ARHGEF6: variants seen among roughly 807,000 people sequenced by gnomAD.
ARHGEF6 encodes the protein rho guanine nucleotide exchange factor 6.
In ARHGEF6, 9 loss-of-function variants were observed where a neutral mutation model predicts 70.3. The observed-to-expected ratio is 0.13, with a 90% confidence interval of 0.08 to 0.22. The LOEUF (loss-of-function observed/expected upper bound fraction) is 0.22, where lower values mean the gene tolerates loss of function less well. ARHGEF6 is among the 10% of genes least tolerant of loss of function. ARHGEF6 has a pLI of 1.00. For missense variants in ARHGEF6, 470 were observed against 563.0 expected (o/e 0.83, Z 1.67); for synonymous variants, 201 against 207.8 (o/e 0.97, Z 0.28).
intron 2 of ARHGEF6, among the ~76,000 whole-genome samples, chrX:136,770,926 G>GT (rs2077359198): frequency 8.9e-6 from 1 of 112,444 alleles, no homozygotes; most frequent in Non-Finnish European, 1.9e-5. Flanking sequence ...GAGCCCAGGA[G>GT]TTTGAGACTG....
intron 2 of ARHGEF6, among the ~76,000 whole-genome samples, chrX:136,760,596 GTA>G (rs2148676167): frequency 8.9e-6 from 1 of 112,047 alleles, no homozygotes; most frequent in Non-Finnish European, 1.9e-5. Flanking sequence ...CTTCCTTTTG[GTA>G]TATGTTTGGT....
At chrX:136,751,959 C>T (rs768762219) in intron 2 of ARHGEF6, among the ~76,000 whole-genome samples, 5 of 111,307 alleles carry the variant, frequency 4.5e-5, no homozygotes, top group African/African-American at 1.6e-4. Context: ...AACTAAGACT[C>T]AGAGTAGTTA....
chrX:136,707,387 G>T (rs188643732), intron 8 of ARHGEF6, among the ~76,000 whole-genome samples: 273 of 112,365 alleles, frequency 2.4e-3, no homozygotes, highest in Non-Finnish European at 3.2e-3. Context: ...ATCCAAAAAT[G>T]ACATACCACA....
Position 136,780,813 on chromosome X carries a change from T to C in ARHGEF6, c.70A>G (p.Ile24Val), listed in dbSNP as rs745759139. The C allele has an allele frequency of 2.9e-5, 35 of 1,209,263 alleles. No individual in the cohort carries two copies. Among genetic ancestry groups the C allele is most frequent in the Non-Finnish European group, 3.8e-5 (34 of 894,999 alleles). ...TTTAAAAACTCCTCCGGATCACAGA[T>C]GGTCTTTTTAGGGGACTCTAAAACT... The part of the protein sequence containing the change: ...LGVLESPKKT[I>V]CDPEEFLKSS... Residue 24 changes from isoleucine to valine, a missense_variant, in exon 1 of 22, where the codon ATC becomes GTC. Ile to Val is a conservative substitution (Grantham distance 29, BLOSUM62 3). Coordinates refer to ENST00000250617, the MANE Select transcript of ARHGEF6 (RefSeq NM_004840.3).
chrX:136,727,391 T>TCTCTCTC (rs2076874710), intron 6 of ARHGEF6, among the ~76,000 whole-genome samples: 1 of 67,228 alleles, frequency 1.5e-5, no homozygotes, highest in Admixed American at 1.7e-4. Flanking sequence ...CTTTCTTTCT[T>TCTCTCTC]TCTTTCTCTC....
chrX:136,769,477 G>T (rs749567345), intron 2 of ARHGEF6, among the ~76,000 whole-genome samples: 2 of 111,605 alleles, frequency 1.8e-5, no homozygotes, highest in Non-Finnish European at 3.8e-5. Flanking sequence ...AGATGGTAGG[G>T]TGTCCCTGGC....
chrX:136,672,507 A>G (rs192025394), intron 19 of ARHGEF6, among the ~76,000 whole-genome samples: 1 of 111,980 alleles, frequency 8.9e-6, no homozygotes, highest in African/African-American at 3.2e-5. Context: ...ATCCTATGCT[A>G]CAGTGTTTTG....
intron 19 of ARHGEF6, among the ~76,000 whole-genome samples, chrX:136,673,483 G>A (rs1296413140): frequency 3.6e-5 from 4 of 111,998 alleles, no homozygotes; most frequent in Non-Finnish European, 1.9e-5. Context: ...GTTGGGTAGG[G>A]AGCAAGGGTG....
chrX:136,677,095 G>A (rs1006983169), intron 17 of ARHGEF6, among the ~76,000 whole-genome samples: 1 of 112,241 alleles, frequency 8.9e-6, no homozygotes, highest in Non-Finnish European at 1.9e-5. Flanking sequence ...TACAGTTTTA[G>A]GGGAACTAAA....
chrX:136,673,815 G>GCTTT (rs2076250483), intron 19 of ARHGEF6, among the ~76,000 whole-genome samples: 1 of 110,670 alleles, frequency 9.0e-6, no homozygotes, highest in Non-Finnish European at 1.9e-5. Context: ...ATCATTGAAT[G>GCTTT]CTTTCTTTCT....
At chrX:136,709,481 G>T (rs1395289906) in intron 7 of ARHGEF6, among the ~76,000 whole-genome samples, 1 of 112,723 alleles carries the variant, frequency 8.9e-6, no homozygotes, top group East Asian at 2.8e-4. Flanking sequence ...ACTCTTTAAG[G>T]TAGGTATTAT....
chrX:136,730,694 C>T (rs1398609349), intron 6 of ARHGEF6, among the ~76,000 whole-genome samples: 2 of 112,006 alleles, frequency 1.8e-5, no homozygotes, highest in African/African-American at 6.5e-5. Context: ...CTATTCAATG[C>T]AGAATTGTCT....
intron 18 of ARHGEF6, 89 bp from the exon 19 acceptor site, chrX:136,675,185 C>T (rs1437947869): frequency 7.7e-6 from 6 of 777,725 alleles, no homozygotes; most frequent in Non-Finnish European, 1.2e-5. Flanking sequence ...CTGGGACTGG[C>T]TTCTCTGACC....
rs2076848111 is a variant in ARHGEF6, at chrX:136,725,979, A to G, written c.732+6123T>C. ...CTATGTTTTCCAAAGGGAAGGAGTC[A>G]TAAAAGTATAAAGAAATTATTTTAA... On this transcript the variant is annotated intron_variant, in intron 6 of 21. Transcript: ENST00000250617. Among the ~76,000 whole-genome samples, 2 of 112,246 alleles carry G rather than the reference A, an allele frequency of 1.8e-5. 1 individual carries two copies. Among genetic ancestry groups the G allele is most frequent in the Middle Eastern group, 8.4e-3 (2 of 239 alleles).
chrX:136,772,351 T>C (rs7055346), intron 2 of ARHGEF6, among the ~76,000 whole-genome samples: 11,016 of 111,558 alleles, frequency 0.099, 1,019 homozygotes, highest in African/African-American at 0.29. Flanking sequence ...CACAACAGGG[T>C]GACTATAGTC....
chrX:136,689,553 C>T (rs1055350867), intron 10 of ARHGEF6, among the ~76,000 whole-genome samples: 3 of 112,052 alleles, frequency 2.7e-5, no homozygotes, highest in African/African-American at 9.7e-5. Context: ...CAACACCTTC[C>T]TGAGCCCTAA....
At chrX:136,683,105 T>TA (rs1388723476) in intron 12 of ARHGEF6, among the ~76,000 whole-genome samples, 2 of 112,039 alleles carry the variant, frequency 1.8e-5, no homozygotes, top group Non-Finnish European at 3.8e-5. Flanking sequence ...GCTTTCCATG[T>TA]ATGAAAGCCT....
At position 136,669,005 on chromosome X, in the gene ARHGEF6, G is replaced by A. The variant is rs146160696; in HGVS notation, c.2190+477C>T. Among the ~76,000 whole-genome samples the A allele has an allele frequency of 8.3e-4, 92 of 111,315 alleles. 1 individual carries two copies. In the East Asian group the frequency reaches 0.023, roughly 28 times the overall value. On this transcript the variant is annotated intron_variant, in intron 21 of 21. Transcript: ENST00000250617. ...TCTGACAGGTTTCACCCTGAGTTTT[G>A]TAAGAACCTCCTAAGTGGTCTTCTA...
At chrX:136,685,622 A>T in intron 12 of ARHGEF6, 55 bp downstream of exon 12, 7 of 1,089,852 alleles carry the variant, frequency 6.4e-6, no homozygotes, top group East Asian at 3.1e-5. Flanking sequence ...AAAAAAAAAA[A>T]GGAAGAAAAA....
Sources: allele counts gnomAD v4.1 joint callset (sites outside exome capture counted in the v4.1 genomes callset), GRCh38; gene constraint gnomAD v4.1.1; transcripts MANE v1.5; gene names NCBI Gene and HGNC (gene_info 2026-07-23, HGNC 2026-07-21).